PDE1C: variants seen among roughly 807,000 people sequenced by gnomAD.
The protein encoded by PDE1C is phosphodiesterase 1C.
In PDE1C, 62 loss-of-function variants were observed where a neutral mutation model predicts 93.1. The ratio of observed to expected loss-of-function variants is 0.67; its 90% CI spans 0.54 to 0.82. PDE1C has a LOEUF of 0.82. Among genes scored for constraint, PDE1C ranks in the 40% least tolerant of loss-of-function variants. The pLI is 0.00. For missense variants in PDE1C, 742 were observed against 884.6 expected (o/e 0.84, Z 2.04); for synonymous variants, 325 against 310.1 (o/e 1.05, Z -0.50).
intron 1 of PDE1C, among the ~76,000 whole-genome samples, chr7:32,231,525 C>A (rs914372496): frequency 6.6e-6 from 1 of 152,064 alleles, no homozygotes; most frequent in Non-Finnish European, 1.5e-5. Context: ...TGTAATAAAA[C>A]ATTTATCCAC....
chr7:31,626,892 T>G, the PDE1C span, among the ~76,000 whole-genome samples: 1 of 152,216 alleles, frequency 6.6e-6, no homozygotes, highest in African/African-American at 2.4e-5. Context: ...AAATGTTTGT[T>G]TGTGGGATAA....
intron 3 of PDE1C, among the ~76,000 whole-genome samples, chr7:32,159,317 T>C (rs1801767156): frequency 6.6e-6 from 1 of 152,192 alleles, no homozygotes; most frequent in African/African-American, 2.4e-5. Flanking sequence ...ATGCTGTAAA[T>C]AGGAACAAAT....
At chr7:31,683,716 C>T in the PDE1C span, among the ~76,000 whole-genome samples, 22 of 152,318 alleles carry the variant, frequency 1.4e-4, no homozygotes, top group African/African-American at 4.6e-4. Context: ...CCTCATCACT[C>T]ATCAGCACAG....
chr7:31,744,308 A>G, the PDE1C span, among the ~76,000 whole-genome samples: 4 of 152,148 alleles, frequency 2.6e-5, no homozygotes, highest in Admixed American at 2.6e-4. Context: ...AGTTTTCAAG[A>G]AGCTAATCCC....
chr7:32,264,793 T>G (rs1214326842), intron 1 of PDE1C, among the ~76,000 whole-genome samples: 2 of 152,344 alleles, frequency 1.3e-5, no homozygotes, highest in East Asian at 3.9e-4. Context: ...GAGCCTATCA[T>G]GGAGCCAGAA....
At chr7:31,665,670 C>G in the PDE1C span, among the ~76,000 whole-genome samples, 1 of 152,152 alleles carries the variant, frequency 6.6e-6, no homozygotes, top group Non-Finnish European at 1.5e-5. Flanking sequence ...TTTGATCTCT[C>G]CTGTTGCAAA....
At chr7:32,266,174 C>T (rs1810559023) in intron 1 of PDE1C, among the ~76,000 whole-genome samples, 1 of 151,850 alleles carries the variant, frequency 6.6e-6, no homozygotes, top group African/African-American at 2.4e-5. Flanking sequence ...CTCAGCTACT[C>T]AGGAAGCTGA....
At chr7:31,788,817 C>T (rs1784273545) in intron 16 of PDE1C, 1 of 152,146 alleles carries the variant, frequency 6.6e-6, no homozygotes, top group Admixed American at 6.6e-5. Context: ...TATCAGCATG[C>T]TGTTGTGCAT....
intron 2 of PDE1C, among the ~76,000 whole-genome samples, chr7:32,010,370 T>C (rs2128584722): frequency 6.6e-6 from 1 of 152,144 alleles, no homozygotes; most frequent in East Asian, 1.9e-4. Context: ...TTAACAGAGG[T>C]AAAATAGCAA....
chr7:32,268,670 A>C (rs2128884787), intron 1 of PDE1C, among the ~76,000 whole-genome samples: 1 of 152,322 alleles, frequency 6.6e-6, no homozygotes, highest in African/African-American at 2.4e-5. Flanking sequence ...TTGTTTTTAA[A>C]ATCAATGATT....
At chr7:31,918,244 AG>A (rs2128953105) in intron 2 of PDE1C, among the ~76,000 whole-genome samples, 1 of 152,338 alleles carries the variant, frequency 6.6e-6, no homozygotes, top group African/African-American at 2.4e-5. Flanking sequence ...TAAGCATGAC[AG>A]GGACATTCTA....
intron 1 of PDE1C, among the ~76,000 whole-genome samples, chr7:32,297,963 C>A (rs1473920302): frequency 1.7e-3 from 40 of 23,638 alleles, no homozygotes; most frequent in East Asian, 4.7e-3. Flanking sequence ...CAATCTCTCT[C>A]TCTCTCTCTC....
the PDE1C span, among the ~76,000 whole-genome samples, chr7:31,623,598 C>T: frequency 6.0e-5 from 9 of 149,106 alleles, no homozygotes; most frequent in African/African-American, 1.7e-4. Context: ...ATTGATGGGA[C>T]GTATCTCAAA....
the PDE1C span, among the ~76,000 whole-genome samples, chr7:31,620,360 C>A: frequency 7.2e-5 from 11 of 152,136 alleles, no homozygotes; most frequent in Non-Finnish European, 1.3e-4. Context: ...AGGCACCCCC[C>A]AGTAGGGGCA....
At chr7:32,247,857 C>G (rs185999380) in intron 1 of PDE1C, among the ~76,000 whole-genome samples, 37 of 152,000 alleles carry the variant, frequency 2.4e-4, no homozygotes, top group African/African-American at 7.7e-4. Context: ...AGGACATAAC[C>G]CCATCATAAG....
At chr7:31,886,560 C>T (rs1292501082) in intron 2 of PDE1C, among the ~76,000 whole-genome samples, 1 of 152,104 alleles carries the variant, frequency 6.6e-6, no homozygotes, top group Non-Finnish European at 1.5e-5. Context: ...AACCAGCACC[C>T]ACAATGCAGT....
At chr7:32,391,811 A>G (rs1347831335) in intron 1 of PDE1C, among the ~76,000 whole-genome samples, 3 of 152,116 alleles carry the variant, frequency 2.0e-5, no homozygotes, top group Non-Finnish European at 2.9e-5. Flanking sequence ...AGCATACTAT[A>G]TCAAAATTTG....
chr7:31,813,277 C>T (rs1221364592), intron 15 of PDE1C, among the ~76,000 whole-genome samples: 4 of 152,068 alleles, frequency 2.6e-5, no homozygotes, highest in African/African-American at 9.7e-5. Flanking sequence ...CCCAGCCACC[C>T]ACATCCCAGA....
chr7:31,970,979 C>T (rs952619382), intron 2 of PDE1C, among the ~76,000 whole-genome samples: 4 of 151,998 alleles, frequency 2.6e-5, no homozygotes, highest in African/African-American at 9.7e-5. Flanking sequence ...CCTGTCTCTA[C>T]TAAAAATACA....
Sources: gnomAD v4.1 joint callset for allele counts (sites outside exome capture counted in the v4.1 genomes callset) on GRCh38, gnomAD v4.1.1 for gene constraint, MANE v1.5 for transcripts, NCBI Gene and HGNC (gene_info 2026-07-23, HGNC 2026-07-21) for gene names.